ZMYM2: variants seen among roughly 807,000 people sequenced by gnomAD.
The protein encoded by ZMYM2 is zinc finger MYM-type containing 2, also known as zinc finger MYM-type protein 2.
Under a neutral mutation model 162.8 loss-of-function variants are expected in ZMYM2, and 56 were observed. That is an observed-to-expected ratio of 0.34 (90% CI 0.28 to 0.43). The LOEUF (loss-of-function observed/expected upper bound fraction) is 0.43. ZMYM2 is among the 20% of genes least tolerant of loss of function. The probability of loss-of-function intolerance (pLI) is 1.00; values close to 1 mark genes in which losing one functional copy is unlikely to be tolerated. For synonymous variants in ZMYM2, 510 were observed against 541.6 expected, an observed-to-expected ratio of 0.94 and a Z score of 0.81; for missense variants, 1,275 against 1,621.8, an observed-to-expected ratio of 0.79 and a Z score of 3.67.
the ZMYM2 span, among the ~76,000 whole-genome samples, chr13:19,890,127 T>C: frequency 6.6e-6 from 1 of 151,876 alleles, no homozygotes; most frequent in Non-Finnish European, 1.5e-5. Context: ...ATAGAAGCAT[T>C]TGTATCGAGA....
At chr13:19,906,460 AATAATTACTG>A in the ZMYM2 span, among the ~76,000 whole-genome samples, 1 of 148,644 alleles carries the variant, frequency 6.7e-6, no homozygotes, top group African/African-American at 2.5e-5. Context: ...TTACATTTGA[AATAATTACTG>A]ATAATGAAGA....
rs1289472133 is a variant in ZMYM2 at position 20,087,019 on chromosome 13, A to G, written c.*1005A>G. The stretch of plus-strand genomic sequence containing the variant: ...TCTAAAACTTAGCAATTTTATCAGA[A>G]TTCTTGTGCCTGTTTACATTGGATA... On this transcript the variant is annotated 3_prime_UTR_variant, in exon 25 of 25. Coordinates refer to ENST00000610343, the MANE Select transcript of ZMYM2 (RefSeq NM_197968.4). The G allele has an allele frequency of 5.5e-6, 1 of 183,484 alleles. No individual in the cohort carries two copies. Among genetic ancestry groups the G allele is most frequent in the African/African-American group, 2.4e-5 (1 of 42,534 alleles). 11.4% of individuals were successfully genotyped at this position (183,484 alleles called of 1,614,324 possible). A position where few individuals can be genotyped will look rare whatever the true frequency, so the allele number is the denominator to read the frequency against.
At chr13:20,011,349 A>C (rs371126924) in intron 6 of ZMYM2, among the ~76,000 whole-genome samples, 2 of 152,200 alleles carry the variant, frequency 1.3e-5, no homozygotes, top group African/African-American at 4.8e-5. Context: ...CTTACATTCA[A>C]ACAATCCACA....
chr13:19,907,053 T>C, the ZMYM2 span, among the ~76,000 whole-genome samples: 2 of 152,142 alleles, frequency 1.3e-5, no homozygotes, highest in East Asian at 3.9e-4. Context: ...TACCTCTTGT[T>C]CATAATGGCT....
At chr13:19,962,511 ATATATTTTTTTTT>A (rs1955337650) in intron 2 of ZMYM2, among the ~76,000 whole-genome samples, 3 of 54,432 alleles carry the variant, frequency 5.5e-5, no homozygotes, top group African/African-American at 2.0e-4. Flanking sequence ...ATATATATAT[ATATATTTTTTTTT>A]TTTTTTTTTT....
At chr13:19,932,251 C>T in the ZMYM2 span, among the ~76,000 whole-genome samples, 5 of 152,248 alleles carry the variant, frequency 3.3e-5, no homozygotes, top group South Asian at 1.0e-3. Flanking sequence ...AAGCCCTAGC[C>T]CCAATGTGAT....
At chr13:19,909,656 C>A in the ZMYM2 span, among the ~76,000 whole-genome samples, 2 of 151,862 alleles carry the variant, frequency 1.3e-5, no homozygotes, top group African/African-American at 2.4e-5. Context: ...TGGTCTGGAA[C>A]TCCTGACCTC....
At chr13:20,015,518 C>A (rs953844945) in intron 6 of ZMYM2, among the ~76,000 whole-genome samples, 9 of 152,132 alleles carry the variant, frequency 5.9e-5, no homozygotes, top group Admixed American at 2.0e-4. Flanking sequence ...AGTTGAAATT[C>A]TGTCTAGATG....
At chr13:20,040,595 A>G (rs568110608) in intron 12 of ZMYM2, among the ~76,000 whole-genome samples, 3 of 152,134 alleles carry the variant, frequency 2.0e-5, no homozygotes, top group African/African-American at 4.8e-5. Flanking sequence ...TTCATGTCTC[A>G]GTCTCCTTCA....
chr13:19,910,008 G>T, the ZMYM2 span, among the ~76,000 whole-genome samples: 1 of 150,526 alleles, frequency 6.6e-6, no homozygotes, highest in Non-Finnish European at 1.5e-5. Context: ...GAGGTCAGGA[G>T]ATCGAGACCA....
chr13:19,877,729 T>C, the ZMYM2 span, among the ~76,000 whole-genome samples: 2 of 152,210 alleles, frequency 1.3e-5, no homozygotes, highest in Admixed American at 1.3e-4. Context: ...CAAATTTCCT[T>C]CCTTTTTAAG....
intron 12 of ZMYM2, among the ~76,000 whole-genome samples, chr13:20,044,000 C>A (rs1295276324): frequency 6.6e-6 from 1 of 152,122 alleles, no homozygotes; most frequent in Admixed American, 6.5e-5. Flanking sequence ...TACTTTCACA[C>A]TGGGACCCTG....
At chr13:19,899,813 A>G in the ZMYM2 span, among the ~76,000 whole-genome samples, 1 of 63,998 alleles carries the variant, frequency 1.6e-5, no homozygotes, top group Non-Finnish European at 3.8e-5. Flanking sequence ...CAGGACTCTG[A>G]CTCAAAAAAA....
rs1955534476 is a variant in ZMYM2, at chr13:19,964,219, T to C, written c.-11+4193T>C. 4.6e-5 allele frequency among the ~76,000 whole-genome samples: 7 copies of C among 151,802 alleles called. No individual in the cohort carries two copies. In the South Asian group the frequency reaches 1.5e-3, roughly 32 times the overall value. ...TGGTGAAACCCTGTCTCTACTAAAA[T>C]ACAAAGATTAGTCAGGCATGGTGGT... On this transcript the variant is annotated intron_variant, in intron 2 of 24. Transcript: ENST00000610343.
intron 11 of ZMYM2, 104 bp downstream of exon 11, chr13:20,034,508 A>G: frequency 8.9e-7 from 1 of 1,126,798 alleles, no homozygotes; most frequent in Non-Finnish European, 1.2e-6. Flanking sequence ...GTAGCTGAAC[A>G]AAAAAAATTG....
intron 21 of ZMYM2, among the ~76,000 whole-genome samples, chr13:20,069,563 C>T (rs1267150350): frequency 6.6e-6 from 1 of 151,328 alleles, no homozygotes; most frequent in African/African-American, 2.4e-5. Flanking sequence ...TTGTCAACGC[C>T]TTTTTCTGCA....
At chr13:19,947,621 G>A in the ZMYM2 span, among the ~76,000 whole-genome samples, 1 of 151,852 alleles carries the variant, frequency 6.6e-6, no homozygotes, top group Admixed American at 6.6e-5. Context: ...ACCACGCCCA[G>A]CTAATTTTTG....
chr13:19,885,983 A>ATACACACATATATGTGTG, the ZMYM2 span, among the ~76,000 whole-genome samples: 34 of 52,698 alleles, frequency 6.5e-4, 12 homozygotes, highest in Non-Finnish European at 1.5e-3. Context: ...ATATATATGT[A>ATACACACATATATGTGTG]TATACACATA....
the ZMYM2 span, among the ~76,000 whole-genome samples, chr13:19,869,005 C>T: frequency 6.6e-6 from 1 of 152,198 alleles, no homozygotes; most frequent in African/African-American, 2.4e-5. Flanking sequence ...CCCTCCTCAG[C>T]CTCCCTAAGT....
Sources: gnomAD v4.1 joint callset for allele counts (sites outside exome capture counted in the v4.1 genomes callset) on GRCh38, gnomAD v4.1.1 for gene constraint, MANE v1.5 for transcripts, NCBI Gene and HGNC (gene_info 2026-07-23, HGNC 2026-07-21) for gene names.